Variants in PIK3CB observed in about 807,000 individuals in gnomAD.
PIK3CB encodes phosphatidylinositol-4,5-bisphosphate 3-kinase catalytic subunit beta.
A neutral mutation model predicts 136.8 loss-of-function variants in PIK3CB; 39 were observed. The ratio of observed to expected loss-of-function variants is 0.29; its 90% CI spans 0.22 to 0.37. The LOEUF (loss-of-function observed/expected upper bound fraction) is 0.37, where lower values mean the gene tolerates loss of function less well. PIK3CB is among the 10% of genes least tolerant of loss of function. The pLI, the probability that PIK3CB is intolerant of heterozygous loss-of-function variation, is 1.00. For missense variants in PIK3CB, 868 were observed against 1,275.4 expected, an observed-to-expected ratio of 0.68 and a Z score of 4.87; for synonymous variants, 428 against 436.6, an observed-to-expected ratio of 0.98 and a Z score of 0.25.
At chr3:138,768,148 G>T (rs957410825) in intron 2 of PIK3CB, among the ~76,000 whole-genome samples, 1 of 151,984 alleles carries the variant, frequency 6.6e-6, no homozygotes, top group Non-Finnish European at 1.5e-5. Flanking sequence ...CAGACAGGAG[G>T]CCCTGAAATG....
At chr3:138,764,660 T>A (rs1471800268) in intron 2 of PIK3CB, among the ~76,000 whole-genome samples, 1 of 152,142 alleles carries the variant, frequency 6.6e-6, no homozygotes, top group East Asian at 1.9e-4. Flanking sequence ...TCTAAATGTG[T>A]CATTCAACAC....
chr3:138,801,815 A>G (rs1201770915), intron 1 of PIK3CB, among the ~76,000 whole-genome samples: 1 of 137,408 alleles, frequency 7.3e-6, no homozygotes, highest in African/African-American at 2.7e-5. Flanking sequence ...GTGAGCAGAG[A>G]TTGGGCCACT....
intron 19 of PIK3CB, among the ~76,000 whole-genome samples, chr3:138,671,761 T>G (rs2043537606): frequency 6.6e-6 from 1 of 152,272 alleles, no homozygotes; most frequent in Non-Finnish European, 1.5e-5. Flanking sequence ...CCAGTTGCCA[T>G]GAGAGCACAC....
At chr3:138,833,889 G>A (rs1056410262) in intron 1 of PIK3CB, among the ~76,000 whole-genome samples, 1 of 152,172 alleles carries the variant, frequency 6.6e-6, no homozygotes, top group African/African-American at 2.4e-5. Context: ...ACCTGAGACA[G>A]GGTTCCAATT....
chr3:138,688,882 G>T lies in PIK3CB; in HGVS notation c.2129C>A (p.Ser710Tyr). 1 of 1,606,180 alleles carries T rather than the reference G, an allele frequency of 6.2e-7. No homozygotes were observed. The highest frequency in any genetic ancestry group is 8.5e-7 in the Non-Finnish European group (1 of 1,172,896). The change falls in exon 16 of 24, where the codon TCT (serine) becomes TAT (tyrosine). Residue 710 changes from serine to tyrosine, a missense_variant. This residue lies in a region of PIK3CB where 165 missense variants were observed against 295.4 expected (regional missense o/e 0.56). Coordinates refer to ENST00000674063, the MANE Select transcript of PIK3CB (RefSeq NM_006219.3). ...RGSVGHMKVL[S>Y]KQVEALNKLK... ...AATAAAACAAGCTGATACCTGCTTAGAAAGCACTTTCATGTGCCCCACACT... is the reference window on the plus strand; with the variant it reads ...AATAAAACAAGCTGATACCTGCTTATAAAGCACTTTCATGTGCCCCACACT...
At chr3:138,769,402 C>G (rs2108759502) in intron 2 of PIK3CB, among the ~76,000 whole-genome samples, 1 of 152,288 alleles carries the variant, frequency 6.6e-6, no homozygotes, top group East Asian at 1.9e-4. Context: ...TAAAGAAGCT[C>G]TAAGTCAAGA....
chr3:138,681,956 CTA>C lies in PIK3CB; in HGVS notation c.2504+9_2504+10del. ...CATTAGACTGAAAAAAAAAAAAAGA[CTA>C]GATCTCACCGAAGATCCAAACCAGC... On this transcript the variant is annotated intron_variant, in intron 19 of 23. Transcript: ENST00000674063. The C allele has an allele frequency of 6.5e-7, 1 of 1,529,492 alleles. No individual in the cohort carries two copies. The highest frequency in any genetic ancestry group is 8.9e-7 in the Non-Finnish European group (1 of 1,120,616). 94.7% of individuals were successfully genotyped at this position (1,529,492 alleles called of 1,614,324 possible).
chr3:138,828,284 G>C (rs1166621030), intron 1 of PIK3CB, among the ~76,000 whole-genome samples: 2 of 146,096 alleles, frequency 1.4e-5, no homozygotes, highest in Non-Finnish European at 3.0e-5. Flanking sequence ...CTCCCGGGTT[G>C]ACGCCATTCT....
chr3:138,827,653 T>C (rs1195717507), intron 1 of PIK3CB, among the ~76,000 whole-genome samples: 1 of 151,788 alleles, frequency 6.6e-6, no homozygotes, highest in Non-Finnish European at 1.5e-5. Flanking sequence ...CACTCCAGCC[T>C]GGGTGACAGA....
intron 2 of PIK3CB, among the ~76,000 whole-genome samples, chr3:138,768,703 T>G (rs894325989): frequency 1.3e-5 from 2 of 152,088 alleles, no homozygotes; most frequent in African/African-American, 4.8e-5. Context: ...TCAGCTTCCC[T>G]CCTATGTTCA....
intron 2 of PIK3CB, among the ~76,000 whole-genome samples, chr3:138,781,610 G>A (rs1307074523): frequency 1.3e-5 from 2 of 152,020 alleles, no homozygotes; most frequent in Non-Finnish European, 2.9e-5. Context: ...CCACCACCAC[G>A]CCTGGCTAAT....
At chr3:138,733,682 T>C (rs1490601567) in intron 7 of PIK3CB, among the ~76,000 whole-genome samples, 2 of 151,950 alleles carry the variant, frequency 1.3e-5, no homozygotes, top group Non-Finnish European at 2.9e-5. Context: ...ATCGAGACCA[T>C]CCTGGCTAAC....
intron 19 of PIK3CB, among the ~76,000 whole-genome samples, chr3:138,678,517 GAAAT>G (rs1286181836): frequency 6.6e-6 from 1 of 151,796 alleles, no homozygotes; most frequent in Admixed American, 6.6e-5. Flanking sequence ...TAAGATAGTA[GAAAT>G]AAATAAGTAT....
chr3:138,674,654 G>T (rs1005205596), intron 19 of PIK3CB, among the ~76,000 whole-genome samples: 2 of 152,108 alleles, frequency 1.3e-5, no homozygotes, highest in Non-Finnish European at 2.9e-5. Flanking sequence ...CAGGAAAAAT[G>T]CATTCAATGA....
chr3:138,758,753 C>T (rs1388369775), intron 3 of PIK3CB, among the ~76,000 whole-genome samples: 2 of 152,016 alleles, frequency 1.3e-5, no homozygotes, highest in African/African-American at 4.8e-5. Flanking sequence ...CTGGTTTTTA[C>T]AAATCAACGG....
At chr3:138,734,313 C>T (rs2045054606) in intron 7 of PIK3CB, among the ~76,000 whole-genome samples, 1 of 152,114 alleles carries the variant, frequency 6.6e-6, no homozygotes, top group African/African-American at 2.4e-5. Flanking sequence ...TATTTCTGCA[C>T]ATCTAACTTT....
chr3:138,808,058 T>C (rs1350576454), intron 1 of PIK3CB, among the ~76,000 whole-genome samples: 1 of 152,138 alleles, frequency 6.6e-6, no homozygotes, highest in East Asian at 1.9e-4. Flanking sequence ...ATATGTCATG[T>C]TCCCTCAATC....
chr3:138,826,499 GTTTTTTT>G (rs34843148), intron 1 of PIK3CB, among the ~76,000 whole-genome samples: 16 of 95,934 alleles, frequency 1.7e-4, no homozygotes, highest in Non-Finnish European at 3.1e-4. Context: ...GACCATTTGG[GTTTTTTT>G]TTTTTTTTTT....
chr3:138,834,540 T>C (rs1270538433), intron 1 of PIK3CB, among the ~76,000 whole-genome samples, 155 bp downstream of exon 1: 5 of 152,146 alleles, frequency 3.3e-5, no homozygotes, highest in African/African-American at 4.8e-5. Flanking sequence ...TCCTCCAAGC[T>C]GGCAGGAAGC....
Sources: gnomAD v4.1 joint callset for allele counts (sites outside exome capture counted in the v4.1 genomes callset) on GRCh38, gnomAD v4.1.1 for gene constraint, gnomAD v4.1.1 regional missense constraint, MANE v1.5 for transcripts, NCBI Gene and HGNC (gene_info 2026-07-23, HGNC 2026-07-21) for gene names.